The following LCORL variants were observed in gnomAD, a reference collection of about 807,000 sequenced individuals.
LCORL encodes ligand-dependent nuclear receptor corepressor-like protein.
In LCORL, 41 loss-of-function variants were observed where a neutral mutation model predicts 141.8. The ratio of observed to expected loss-of-function variants is 0.29; its 90% CI spans 0.23 to 0.38. LCORL has a LOEUF of 0.38. LCORL is among the 10% of genes least tolerant of loss of function. The pLI is 1.00. For missense variants in LCORL, 1,759 were observed against 2,035.0 expected (o/e 0.86, Z 2.61); for synonymous variants, 618 against 694.1 (o/e 0.89, Z 1.72).
intron 1 of LCORL, among the ~76,000 whole-genome samples, chr4:18,019,232 G>C (rs1177890053): frequency 1.3e-5 from 2 of 152,180 alleles, no homozygotes; most frequent in African/African-American, 2.4e-5. Context: ...CCAACTATTC[G>C]GGAGGCTCAG....
chr4:17,993,244 G>A (rs1000710688), intron 1 of LCORL, among the ~76,000 whole-genome samples: 5 of 151,996 alleles, frequency 3.3e-5, no homozygotes, highest in South Asian at 2.1e-4. Flanking sequence ...TCACTCTGTC[G>A]CCCAGGCTGG....
chr4:17,953,414 C>T (rs1711869485), intron 4 of LCORL, among the ~76,000 whole-genome samples: 2 of 152,140 alleles, frequency 1.3e-5, no homozygotes, highest in South Asian at 4.1e-4. Flanking sequence ...ATCTGTTCCC[C>T]TCAAATTTAA....
At chr4:17,904,647 A>G (rs1227658879) in intron 5 of LCORL, among the ~76,000 whole-genome samples, 1 of 152,120 alleles carries the variant, frequency 6.6e-6, no homozygotes, top group Non-Finnish European at 1.5e-5. Context: ...TTATGAATAC[A>G]GTATCTTTCC....
At chr4:17,880,404 G>A in intron 6 of LCORL, 1 of 860,352 alleles carries the variant, frequency 1.2e-6, no homozygotes, top group African/African-American at 1.8e-5. Flanking sequence ...TTTTTTTGTA[G>A]ATCCTTTGCT....
chr4:17,883,153 C>T, intron 6 of LCORL: 1 of 981,698 alleles, frequency 1.0e-6, no homozygotes, highest in Non-Finnish European at 1.2e-6. Flanking sequence ...GGTGGATGCA[C>T]TTGAGTGCAT....
rs1464100938 is a variant in LCORL at position 17,884,320 on chromosome 4, A to G, written c.776+1748T>C. 1.4e-5 allele frequency: 22 copies of G among 1,547,858 alleles called. No individual in the cohort carries two copies. Among genetic ancestry groups the G allele is most frequent in the Admixed American group, 2.0e-5 (1 of 50,036 alleles). On this transcript the variant is annotated intron_variant, in intron 6 of 7. Coordinates refer to ENST00000635767, the Ensembl canonical transcript of LCORL. The surrounding 1 kb of genome is among the most constrained non-coding windows in gnomAD (Gnocchi z 4.4). The stretch of plus-strand genomic sequence containing the variant: ...ACTGTACAGTAGGATTTGAAGTTTC[A>G]TATTGGAGGCTTTCATTTTTTTCTT...
At chr4:17,890,700 A>G (rs1728945948) in intron 5 of LCORL, among the ~76,000 whole-genome samples, 1 of 152,114 alleles carries the variant, frequency 6.6e-6, no homozygotes, top group Non-Finnish European at 1.5e-5. Flanking sequence ...AGCCAATCTA[A>G]TCTTTGAACA....
intron 1 of LCORL, among the ~76,000 whole-genome samples, chr4:17,978,958 A>T (rs2109707251): frequency 6.6e-6 from 1 of 152,126 alleles, no homozygotes; most frequent in Admixed American, 6.5e-5. Flanking sequence ...GTACATGTGC[A>T]CAACTTGCAG....
Position 17,870,687 on chromosome 4 carries a change from G to A in LCORL, c.5602+2701C>T, listed in dbSNP as rs1023244246. On this transcript the variant is annotated intron_variant, in intron 7 of 7. Transcript: ENST00000635767. Reference sequence around the variant, plus strand: ...AAAAATGAAATACATTCTATTTACTGAATAAATGATGTAGCTCTTGTTTTC... The same window carrying A: ...AAAAATGAAATACATTCTATTTACTAAATAAATGATGTAGCTCTTGTTTTC... Among the ~76,000 whole-genome samples the A allele has an allele frequency of 2.6e-5, 4 of 152,120 alleles. No homozygotes were observed. In the East Asian group the frequency reaches 7.7e-4, roughly 29 times the overall value.
chr4:17,976,179 T>C (rs780695108), intron 1 of LCORL, among the ~76,000 whole-genome samples: 6 of 152,234 alleles, frequency 3.9e-5, no homozygotes, highest in African/African-American at 7.2e-5. Flanking sequence ...TTGTGGACAA[T>C]AGAGTTGAAT....
chr4:18,021,442 G>C lies in LCORL; in HGVS notation c.154+156C>G, dbSNP rs938037086. ...GCCAGCAGCCCGCAAGACAAAAGGCGAGCGCCGGGGCCGCCGCGCCGCGCC... is the reference window on the plus strand; with the variant it reads ...GCCAGCAGCCCGCAAGACAAAAGGCCAGCGCCGGGGCCGCCGCGCCGCGCC... On this transcript the variant is annotated intron_variant, in intron 1 of 7. Coordinates refer to ENST00000635767, the Ensembl canonical transcript of LCORL. This position sits in a 1 kb window ranked among gnomAD's most constrained non-coding sequence, Gnocchi z 5.5. Among the ~76,000 whole-genome samples, 3 of 152,074 alleles carry C rather than the reference G, an allele frequency of 2.0e-5. No homozygotes were observed. The highest frequency in any genetic ancestry group is 7.2e-5 in the African/African-American group (3 of 41,436).
intron 4 of LCORL, among the ~76,000 whole-genome samples, chr4:17,916,372 G>T (rs1733409278): frequency 6.6e-6 from 1 of 152,132 alleles, no homozygotes; most frequent in Non-Finnish European, 1.5e-5. Flanking sequence ...TGGTGTTTTG[G>T]TAATAATGGG....
intron 6 of LCORL, chr4:17,882,883 C>A: frequency 1.0e-6 from 1 of 970,124 alleles, no homozygotes; most frequent in South Asian, 4.8e-5. Context: ...TTCCAACTTT[C>A]TTTTCTAACC....
intron 1 of LCORL, among the ~76,000 whole-genome samples, chr4:18,014,954 A>G (rs1324022071): frequency 6.6e-6 from 1 of 152,216 alleles, no homozygotes; most frequent in Non-Finnish European, 1.5e-5. Flanking sequence ...GTGCTCTGTT[A>G]TCTATCAGCC....
At chr4:17,912,155 A>G in intron 4 of LCORL, 1 of 1,009,760 alleles carries the variant, frequency 9.9e-7, no homozygotes, top group Non-Finnish European at 1.6e-6. Flanking sequence ...ATTGTTCTGC[A>G]GATCGACAAT....
chr4:17,871,229 C>T (rs1442048887), intron 7 of LCORL, among the ~76,000 whole-genome samples: 4 of 150,876 alleles, frequency 2.7e-5, no homozygotes, highest in Non-Finnish European at 1.5e-5. Flanking sequence ...AAAATAATGT[C>T]CTTGTTGATT....
At chr4:17,936,103 T>C (rs1257533939) in intron 4 of LCORL, among the ~76,000 whole-genome samples, 2 of 152,138 alleles carry the variant, frequency 1.3e-5, no homozygotes, top group Non-Finnish European at 2.9e-5. Context: ...TATAATGTAA[T>C]TCCCTACTTT....
At chr4:17,951,903 G>A (rs556406285) in intron 4 of LCORL, among the ~76,000 whole-genome samples, 1 of 152,042 alleles carries the variant, frequency 6.6e-6, no homozygotes, top group African/African-American at 2.4e-5. Context: ...TCACAATTGG[G>A]GAAAAGAAAA....
At chr4:17,898,296 A>C (rs1027373479) in intron 5 of LCORL, among the ~76,000 whole-genome samples, 3 of 152,150 alleles carry the variant, frequency 2.0e-5, no homozygotes, top group African/African-American at 7.2e-5. Flanking sequence ...TTCTTTTCTC[A>C]ATGTTATGTT....
Sources: gnomAD v4.1 joint callset for allele counts (sites outside exome capture counted in the v4.1 genomes callset) on GRCh38, gnomAD v4.1.1 for gene constraint, Gnocchi (gnomAD v3.1) non-coding constraint, MANE v1.5 for transcripts, NCBI Gene and HGNC (gene_info 2026-07-23, HGNC 2026-07-21) for gene names.